Variants in TENT5B observed in about 807,000 individuals in gnomAD.
TENT5B encodes the protein terminal nucleotidyltransferase 5B.
A neutral mutation model predicts 21.7 loss-of-function variants in TENT5B; 12 were observed. The ratio of observed to expected loss-of-function variants is 0.55; its 90% CI spans 0.36 to 0.90. The LOEUF is 0.90. Among genes scored for constraint, TENT5B ranks in the 40% least tolerant of loss-of-function variants. TENT5B has a pLI of 0.01. For synonymous variants in TENT5B, 262 were observed against 266.6 expected, an observed-to-expected ratio of 0.98 and a Z score of 0.17; for missense variants, 540 against 601.5, an observed-to-expected ratio of 0.90 and a Z score of 1.07.
chr1:27,007,460 C>G (rs1044542959), intron 1 of TENT5B, among the ~76,000 whole-genome samples: 3 of 150,460 alleles, frequency 2.0e-5, no homozygotes, highest in African/African-American at 7.4e-5. Context: ...GGCGTGATCT[C>G]GACTCACTGC....
In TENT5B at chr1:27,006,563, T is replaced by C. The variant is rs1358919424; in HGVS notation, c.659A>G (p.Gln220Arg). The change falls in exon 2 of 2, where the codon CAG becomes CGG. Residue 220 changes from glutamine to arginine, a missense_variant. Gln to Arg is a conservative substitution (Grantham distance 43, BLOSUM62 1). Transcript: ENST00000289166. The surrounding 1 kb of genome is among the most constrained non-coding windows in gnomAD (Gnocchi z 9.4). ...GAGCAACAGGGAGTCCAGGATGATCTGGAAGGAGTCTATGCTGAATTCAAA... is the reference window on the plus strand; with the variant it reads ...GAGCAACAGGGAGTCCAGGATGATCCGGAAGGAGTCTATGCTGAATTCAAA... ...RQFEFSIDSF[Q>R]IILDSLLLFG... The C allele has an allele frequency of 6.2e-7, 1 of 1,614,162 alleles. No individual in the cohort carries two copies. The highest frequency in any genetic ancestry group is 2.2e-5 in the East Asian group (1 of 44,880).
intron 1 of TENT5B, among the ~76,000 whole-genome samples, chr1:27,007,698 C>G (rs187811801): frequency 5.5e-4 from 84 of 152,162 alleles, no homozygotes; most frequent in South Asian, 4.6e-3. Context: ...AAGTCTTAAC[C>G]GTGCTATTCT....
intron 1 of TENT5B, among the ~76,000 whole-genome samples, chr1:27,012,040 T>C (rs937599174): frequency 1.3e-5 from 2 of 151,982 alleles, no homozygotes; most frequent in Admixed American, 6.6e-5. Flanking sequence ...AAAAGCTATT[T>C]TGGACTCAAG....
Position 27,006,056 on chromosome 1 carries a change from GC to G in TENT5B, c.1165del (p.Ala389ProfsTer19), listed in dbSNP as rs753946307. The G allele has an allele frequency of 6.2e-7, 1 of 1,611,648 alleles. No homozygotes were observed. The highest frequency in any genetic ancestry group is 8.5e-7 in the Non-Finnish European group (1 of 1,178,884). ...EQGPAATAALAWRPPGTDGVV... is the reference protein window; with the variant it reads ...EQGPAATAALXWRPPGTDGVV... ...CCCGTCAGTGCCTGGAGGGCGCCAG[GC>G]CAGGGCGGCAGTGGCAGCTGGGCCC... On this transcript the variant is annotated frameshift_variant, in exon 2 of 2. Coordinates refer to ENST00000289166, the MANE Select transcript of TENT5B (RefSeq NM_052943.4). LOFTEE classifies it high-confidence loss of function. The surrounding 1 kb of genome is among the most constrained non-coding windows in gnomAD (Gnocchi z 9.4).
rs758854706 is a variant in TENT5B, at chr1:27,006,089, G to T, written c.1133C>A (p.Ala378Asp). The T allele has an allele frequency of 1.9e-6, 3 of 1,610,286 alleles. No homozygotes were observed. The South Asian group carries it at 3.3e-5, about 18-fold the overall frequency. The change falls in exon 2 of 2, where the codon GCT becomes GAT. Residue 378 changes from alanine to aspartate, a missense_variant. Transcript: ENST00000289166. The surrounding 1 kb of genome is among the most constrained non-coding windows in gnomAD (Gnocchi z 9.4). ...LIAALALQAL[A>D]EQGPAATAAL... ...GGCAGTGGCAGCTGGGCCCTGCTCAGCCAGTGCCTGCAGCGCCAGTGCGGC... is the reference window on the plus strand; with the variant it reads ...GGCAGTGGCAGCTGGGCCCTGCTCATCCAGTGCCTGCAGCGCCAGTGCGGC...
At chr1:27,011,239 G>A (rs1049598807) in intron 1 of TENT5B, among the ~76,000 whole-genome samples, 3 of 152,184 alleles carry the variant, frequency 2.0e-5, no homozygotes, top group Non-Finnish European at 2.9e-5. Context: ...TCCTTGGGAG[G>A]GTGGGGGAGG....
At chr1:27,009,329 G>A (rs1557703673) in intron 1 of TENT5B, among the ~76,000 whole-genome samples, 7 of 152,142 alleles carry the variant, frequency 4.6e-5, no homozygotes, top group Non-Finnish European at 8.8e-5. Context: ...ACAAGATCAC[G>A]TGGAGATGCC....
In TENT5B at chr1:27,006,030, C is replaced by T. The variant is rs199549779; in HGVS notation, c.1192G>A (p.Val398Ile). The T allele has an allele frequency of 1.3e-4, 208 of 1,610,526 alleles. No homozygotes were observed. The highest frequency in any genetic ancestry group is 1.7e-4 in the Non-Finnish European group (203 of 1,178,204). ...LAWRPPGTDG[V>I]VPATVNYYVT... is the part of the protein sequence containing the mutation. ...TAGTAATTGACAGTGGCTGGCACAA[C>T]CCCGTCAGTGCCTGGAGGGCGCCAG... Residue 398 changes from valine (V) to isoleucine (I), a missense_variant, in exon 2 of 2, where the codon GTT becomes ATT. Coordinates refer to ENST00000289166, the MANE Select transcript of TENT5B (RefSeq NM_052943.4). This position sits in a 1 kb window ranked among gnomAD's most constrained non-coding sequence, Gnocchi z 9.4.
In TENT5B at chr1:27,006,959, T is replaced by C; in HGVS notation, c.265-2A>G. ...CTCCTCCAGGGTGCTGCGGACCACC[T>C]GCAGGGGAGAGCAGGAAGGAGAGGT... On this transcript the variant is annotated splice_acceptor_variant, in intron 1 of 1. Transcript: ENST00000289166. LOFTEE classifies it high-confidence loss of function. The surrounding 1 kb of genome is among the most constrained non-coding windows in gnomAD (Gnocchi z 9.4). The C allele has an allele frequency of 6.4e-7, 1 of 1,572,752 alleles. No individual in the cohort carries two copies. Among genetic ancestry groups the C allele is most frequent in the Non-Finnish European group, 8.7e-7 (1 of 1,155,708 alleles).
In TENT5B at chr1:27,006,287, T is replaced by C; in HGVS notation, c.935A>G (p.Asp312Gly). Residue 312 changes from aspartate (D) to glycine (G), a missense_variant, in exon 2 of 2, where the codon GAC (aspartate) becomes GGC (glycine). Physicochemically the swap from Asp to Gly is moderately conservative, Grantham distance 94 (BLOSUM62 -1). Transcript: ENST00000289166. The surrounding 1 kb of genome is among the most constrained non-coding windows in gnomAD (Gnocchi z 9.4). Reference protein sequence around the residue: ...QRYMCSRFFIDFPDLVEQRRT... With the variant: ...QRYMCSRFFIGFPDLVEQRRT... ...CCGCTGCTCCACCAGGTCTGGAAAGTCGATGAAGAAGCGGGAGCACATGTA... is the reference window on the plus strand; with the variant it reads ...CCGCTGCTCCACCAGGTCTGGAAAGCCGATGAAGAAGCGGGAGCACATGTA... The C allele has an allele frequency of 1.2e-6, 2 of 1,612,146 alleles. No individual in the cohort carries two copies. Among genetic ancestry groups the C allele is most frequent in the African/African-American group, 1.3e-5 (1 of 75,030 alleles).
chr1:27,009,114 G>A (rs1254493889), intron 1 of TENT5B, among the ~76,000 whole-genome samples: 2 of 149,946 alleles, frequency 1.3e-5, no homozygotes, highest in South Asian at 2.1e-4. Context: ...CTACAGGTGC[G>A]TGCGTGCCAC....
At chr1:27,008,846 C>T (rs887366780) in intron 1 of TENT5B, among the ~76,000 whole-genome samples, 8 of 151,110 alleles carry the variant, frequency 5.3e-5, no homozygotes, top group African/African-American at 1.7e-4. Context: ...AGGTGATCCA[C>T]CTGCCGCAGC....
At position 27,006,499 on chromosome 1, in the gene TENT5B, G is replaced by C. The variant is rs1342300353; in HGVS notation, c.723C>G (p.Phe241Leu). 6.2e-7 allele frequency: 1 copy of C among 1,614,010 alleles called. No homozygotes were observed. The highest frequency in any genetic ancestry group is 1.3e-5 in the African/African-American group (1 of 74,944). The change falls in exon 2 of 2, where the codon TTC (phenylalanine) becomes TTG (leucine). Residue 241 changes from phenylalanine to leucine, a missense_variant. Coordinates refer to ENST00000289166, the MANE Select transcript of TENT5B (RefSeq NM_052943.4). This position sits in a 1 kb window ranked among gnomAD's most constrained non-coding sequence, Gnocchi z 9.4. ...GGCTTTCGCCTGTGACCGTTGGGTGGAAGGCCTCAGACATGGGAGTGGACG... is the reference window on the plus strand; with the variant it reads ...GGCTTTCGCCTGTGACCGTTGGGTGCAAGGCCTCAGACATGGGAGTGGACG... ...QCSSTPMSEA[F>L]HPTVTGESLY...
rs763385717 is a variant in TENT5B, at chr1:27,012,476, G to A, written c.195C>T (p.Ser65=). ...PQVKRLDALL[S]EPIPIHGRGN... ...CGCGCCCGTGAATGGGAATCGGCTC[G>A]CTCAGAAGAGCGTCCAGTCGCTTCA... Residue 65 remains serine (S), a synonymous_variant, in exon 1 of 2, where the codon AGC becomes AGT. Transcript: ENST00000289166. The A allele has an allele frequency of 1.2e-6, 2 of 1,605,518 alleles. No individual in the cohort carries two copies.
At position 27,006,034 on chromosome 1, in the gene TENT5B, G is replaced by A. The variant is rs144431304; in HGVS notation, c.1188C>T (p.Asp396=). ...AATTGACAGTGGCTGGCACAACCCC[G>A]TCAGTGCCTGGAGGGCGCCAGGCCA... ...AALAWRPPGT[D]GVVPATVNYY... Residue 396 remains aspartate (D), a synonymous_variant, in exon 2 of 2, where the codon GAC becomes GAT. Coordinates refer to ENST00000289166, the MANE Select transcript of TENT5B (RefSeq NM_052943.4). This position sits in a 1 kb window ranked among gnomAD's most constrained non-coding sequence, Gnocchi z 9.4. 25 of 1,610,932 alleles carry A rather than the reference G, an allele frequency of 1.6e-5. No homozygotes were observed. The highest frequency in any genetic ancestry group is 9.3e-5 in the African/African-American group (7 of 74,916).
Position 27,012,801 on chromosome 1 carries a change from C to T in TENT5B, c.-131G>A. The T allele has an allele frequency of 8.3e-7, 1 of 1,198,000 alleles. No homozygotes were observed. The highest frequency in any genetic ancestry group is 1.1e-6 in the Non-Finnish European group (1 of 913,600). The allele number at this position is 1,198,000 out of a possible 1,614,324, so 74.2% of individuals were successfully genotyped here. On this transcript the variant is annotated 5_prime_UTR_variant, in exon 1 of 2. Coordinates refer to ENST00000289166, the MANE Select transcript of TENT5B (RefSeq NM_052943.4). ...GGACGGGGCGGCAACGACGGCGAGACAAAGCCAGGGAACACCTCAGACGGC... is the reference window on the plus strand; with the variant it reads ...GGACGGGGCGGCAACGACGGCGAGATAAAGCCAGGGAACACCTCAGACGGC...
intron 1 of TENT5B, among the ~76,000 whole-genome samples, chr1:27,008,390 T>C (rs550588616): frequency 1.3e-5 from 2 of 152,052 alleles, no homozygotes; most frequent in African/African-American, 4.8e-5. Flanking sequence ...GGTGGGGCAA[T>C]CAGAGGCGGG....
chr1:27,010,629 CAA>C (rs571680490), intron 1 of TENT5B, among the ~76,000 whole-genome samples: 1 of 152,158 alleles, frequency 6.6e-6, no homozygotes, highest in Non-Finnish European at 1.5e-5. Flanking sequence ...CTGAGCCCAG[CAA>C]AGAGAATTGA....
At chr1:27,007,631 C>T (rs183282072) in intron 1 of TENT5B, among the ~76,000 whole-genome samples, 19 of 152,188 alleles carry the variant, frequency 1.2e-4, no homozygotes, top group African/African-American at 4.3e-4. Context: ...ACCTCGTGAT[C>T]CACACACCTC....
Sources: gnomAD v4.1 joint callset for allele counts (sites outside exome capture counted in the v4.1 genomes callset) on GRCh38, gnomAD v4.1.1 for gene constraint, Gnocchi (gnomAD v3.1) non-coding constraint, MANE v1.5 for transcripts, NCBI Gene and HGNC (gene_info 2026-07-23, HGNC 2026-07-21) for gene names.